The following PTPRA variants were observed in gnomAD, a reference collection of about 807,000 sequenced individuals.
PTPRA encodes protein tyrosine phosphatase receptor type A.
Under a neutral mutation model 104.8 loss-of-function variants are expected in PTPRA, and 25 were observed. That is an observed-to-expected ratio of 0.24 (90% CI 0.17 to 0.33). The LOEUF (loss-of-function observed/expected upper bound fraction) is 0.33. Among genes scored for constraint, PTPRA ranks in the 10% least tolerant of loss-of-function variants. The pLI is 1.00. For synonymous variants in PTPRA, 323 were observed against 368.9 expected (o/e 0.88, Z 1.43); for missense variants, 765 against 1,015.3 (o/e 0.75, Z 3.35).
chr20:2,898,297 G>C (rs2059097106), intron 1 of PTPRA, among the ~76,000 whole-genome samples: 1 of 151,624 alleles, frequency 6.6e-6, no homozygotes, highest in Admixed American at 6.6e-5. Context: ...AGCCAGGATG[G>C]TCTCGATCTC....
intron 1 of PTPRA, among the ~76,000 whole-genome samples, chr20:2,916,856 G>A (rs1472254874): frequency 6.6e-6 from 1 of 152,118 alleles, no homozygotes; most frequent in African/African-American, 2.4e-5. Context: ...TTTGAAATCA[G>A]GAAGTATGAG....
chr20:3,037,577 G>A lies in PTPRA; in HGVS notation c.2334+288G>A, dbSNP rs966520360. 3.3e-5 allele frequency among the ~76,000 whole-genome samples: 5 copies of A among 152,258 alleles called. No homozygotes were observed. The highest frequency in any genetic ancestry group is 1.2e-4 in the African/African-American group (5 of 41,472). ...TGGGTCTTGGGTAAGGAAGATCCAT[G>A]AAGAGTACCTGCCTTTGGGCTTGGG... is the stretch of plus-strand genomic sequence containing the variant. On this transcript the variant is annotated intron_variant, in intron 23 of 23. Coordinates refer to ENST00000399903, the MANE Select transcript of PTPRA (RefSeq NM_001385305.1). The surrounding 1 kb of genome is among the most constrained non-coding windows in gnomAD (Gnocchi z 4.3).
chr20:2,963,268 C>T (rs1459598279), intron 3 of PTPRA, among the ~76,000 whole-genome samples: 1 of 152,202 alleles, frequency 6.6e-6, no homozygotes, highest in Non-Finnish European at 1.5e-5. Context: ...CCCTAGCTCT[C>T]ACCCACAAAG....
chr20:3,029,761 C>T (rs796340964), intron 20 of PTPRA, among the ~76,000 whole-genome samples: 6 of 152,184 alleles, frequency 3.9e-5, no homozygotes, highest in African/African-American at 1.4e-4. Context: ...CTCCTGACCT[C>T]AGGTTATCTG....
intron 1 of PTPRA, among the ~76,000 whole-genome samples, chr20:2,911,901 A>G (rs1711738199): frequency 6.6e-6 from 1 of 152,146 alleles, no homozygotes; most frequent in Non-Finnish European, 1.5e-5. Flanking sequence ...CTGCTCTCAA[A>G]CTAAAGATAG....
At chr20:2,900,617 AG>A (rs1477374892) in intron 1 of PTPRA, among the ~76,000 whole-genome samples, 2 of 152,098 alleles carry the variant, frequency 1.3e-5, no homozygotes, top group African/African-American at 2.4e-5. Context: ...GCACTTTGGG[AG>A]GCCGGGGCGG....
intron 5 of PTPRA, among the ~76,000 whole-genome samples, chr20:2,966,852 T>C (rs1217053004): frequency 6.6e-6 from 1 of 152,246 alleles, no homozygotes; most frequent in East Asian, 1.9e-4. Flanking sequence ...GTTTATTCTT[T>C]TAATGTTACA....
intron 1 of PTPRA, among the ~76,000 whole-genome samples, chr20:2,901,126 A>G (rs922593325): frequency 6.6e-6 from 1 of 151,818 alleles, no homozygotes; most frequent in Admixed American, 6.6e-5. Flanking sequence ...GCGCGACACC[A>G]CACCTCGCTA....
chr20:2,959,524 T>C (rs1344135391), intron 3 of PTPRA, among the ~76,000 whole-genome samples: 1 of 152,236 alleles, frequency 6.6e-6, no homozygotes. Context: ...AGTTCTTGTT[T>C]CAATTATTTA....
In PTPRA at chr20:3,035,722, C is replaced by T. The variant is rs537141810; in HGVS notation, c.2046+12C>T. 1.1e-5 allele frequency: 18 copies of T among 1,614,098 alleles called. No individual in the cohort carries two copies. The highest frequency in any genetic ancestry group is 9.3e-5 in the African/African-American group (7 of 75,034). On this transcript the variant is annotated intron_variant, in intron 21 of 23. Coordinates refer to ENST00000399903, the MANE Select transcript of PTPRA (RefSeq NM_001385305.1). The surrounding 1 kb of genome is among the most constrained non-coding windows in gnomAD (Gnocchi z 5.8). ...TCACCAACACCAGGGTAAGATGGGT[C>T]GTGGGTGGACTCTGCCCACAGGAAA...
At chr20:2,888,747 A>G (rs1281735689) in intron 1 of PTPRA, among the ~76,000 whole-genome samples, 1 of 152,192 alleles carries the variant, frequency 6.6e-6, no homozygotes, top group East Asian at 1.9e-4. Context: ...GGCATCCACA[A>G]GTACTATGAG....
intron 1 of PTPRA, among the ~76,000 whole-genome samples, chr20:2,880,472 A>C (rs2089985414): frequency 6.6e-6 from 1 of 152,178 alleles, no homozygotes; most frequent in Admixed American, 6.5e-5. Context: ...AGTTTATATT[A>C]ACCAGTTCTC....
chr20:2,941,362 G>A (rs1377926629), intron 2 of PTPRA, among the ~76,000 whole-genome samples: 3 of 152,034 alleles, frequency 2.0e-5, no homozygotes, highest in Non-Finnish European at 2.9e-5. Context: ...TTACTGGATG[G>A]CATCTGTTAG....
chr20:2,922,932 G>T (rs915535341), intron 1 of PTPRA, among the ~76,000 whole-genome samples: 2 of 152,044 alleles, frequency 1.3e-5, no homozygotes, highest in African/African-American at 4.8e-5. Flanking sequence ...ACCGCTCCTG[G>T]CTATTTTCTT....
intron 20 of PTPRA, among the ~76,000 whole-genome samples, chr20:3,030,108 C>T (rs1433642437): frequency 2.0e-5 from 3 of 152,170 alleles, no homozygotes; most frequent in African/African-American, 4.8e-5. Context: ...ACCACGAGCA[C>T]AAGGACCATC....
At chr20:3,033,239 C>T (rs760540668) in intron 20 of PTPRA, among the ~76,000 whole-genome samples, 1 of 151,904 alleles carries the variant, frequency 6.6e-6, no homozygotes, top group African/African-American at 2.4e-5. Context: ...CTCCTTCCCC[C>T]GACACCAGTC....
chr20:2,948,546 A>G (rs2061225336), intron 3 of PTPRA, among the ~76,000 whole-genome samples: 1 of 152,162 alleles, frequency 6.6e-6, no homozygotes, highest in Admixed American at 6.5e-5. Context: ...GCATTTTTTC[A>G]GAAAAGAATC....
chr20:2,886,363 G>A (rs190932231), intron 1 of PTPRA, among the ~76,000 whole-genome samples: 17 of 152,262 alleles, frequency 1.1e-4, no homozygotes, highest in African/African-American at 3.4e-4. Flanking sequence ...AGCATGTTTG[G>A]AGGATTACAG....
chr20:2,975,279 C>G, intron 6 of PTPRA, 38 bp downstream of exon 6: 1 of 1,535,366 alleles, frequency 6.5e-7, no homozygotes, highest in East Asian at 2.3e-5. Context: ...TCCTTTTACA[C>G]AGTGTACAGT....
Sources: allele counts gnomAD v4.1 joint callset (sites outside exome capture counted in the v4.1 genomes callset), GRCh38; gene constraint gnomAD v4.1.1; non-coding constraint Gnocchi (gnomAD v3.1); transcripts MANE v1.5; gene names NCBI Gene and HGNC (gene_info 2026-07-23, HGNC 2026-07-21).